LRRC8B: variants seen among roughly 807,000 people sequenced by gnomAD.
LRRC8B encodes the protein volume-regulated anion channel subunit LRRC8B.
LRRC8B carries 23 observed loss-of-function variants against 58.8 expected under a neutral mutation model. That is an observed-to-expected ratio of 0.39 (90% confidence interval 0.28 to 0.55). The LOEUF is 0.55. Ranked by LOEUF, LRRC8B falls within the 20% of genes least tolerant of loss-of-function variation. LRRC8B has a pLI of 0.62. For synonymous variants in LRRC8B, 359 were observed against 374.1 expected (o/e 0.96, Z 0.47); for missense variants, 694 against 936.0 (o/e 0.74, Z 3.37).
chr1:89,581,934 A>G (rs1341622092), intron 4 of LRRC8B, among the ~76,000 whole-genome samples: 6 of 152,372 alleles, frequency 3.9e-5, no homozygotes, highest in Middle Eastern at 3.4e-3. Flanking sequence ...ATAGAATTGT[A>G]GACCCCACTA....
Position 89,595,873 on chromosome 1 carries a change from C to CT in LRRC8B, c.*2833dup, listed in dbSNP as rs1434808677. 2 of 152,056 alleles carry CT rather than the reference C, an allele frequency of 1.3e-5. No individual in the cohort carries two copies. The highest frequency in any genetic ancestry group is 4.8e-5 in the African/African-American group (2 of 41,420). The allele number at this position is 152,056 out of a possible 1,614,324, so 9.4% of individuals were successfully genotyped here. On this transcript the variant is annotated 3_prime_UTR_variant, in exon 6 of 6. Transcript: ENST00000330947. ...AGTTTGTTAAATTATAATTATGAGA[C>CT]TTTCGTTGGCATTTGATTTCAAGAA...
intron 1 of LRRC8B, among the ~76,000 whole-genome samples, chr1:89,536,645 C>T (rs1280199708): frequency 6.6e-6 from 1 of 152,098 alleles, no homozygotes; most frequent in East Asian, 1.9e-4. Context: ...TAATGTCATG[C>T]AATAAAGTGC....
At chr1:89,538,061 A>G (rs1419485463) in intron 1 of LRRC8B, among the ~76,000 whole-genome samples, 2 of 152,208 alleles carry the variant, frequency 1.3e-5, no homozygotes, top group Non-Finnish European at 2.9e-5. Flanking sequence ...TGTGGCTGGT[A>G]GGGCTCCTTG....
rs1654359723 is a variant in LRRC8B at position 89,583,131 on chromosome 1, G to A, written c.481G>A (p.Asp161Asn). ...TGTGGCCATCCTTCACAAGTGCTTC[G>A]ATTCTCCATGGACCACCCGCGCCCT... Reference protein sequence around the residue: ...HFVAILHKCFDSPWTTRALSE... With the variant: ...HFVAILHKCFNSPWTTRALSE... Residue 161 changes from aspartate (D) to asparagine (N), a missense_variant, in exon 5 of 6, where the codon GAT becomes AAT. Asp to Asn is a conservative substitution (Grantham distance 23, BLOSUM62 1). This residue lies in a region of LRRC8B where 316 missense variants were observed against 403.8 expected (regional missense o/e 0.78). Coordinates refer to ENST00000330947, the MANE Select transcript of LRRC8B (RefSeq NM_001369817.2). This position sits in a 1 kb window ranked among gnomAD's most constrained non-coding sequence, Gnocchi z 5.2. 1.2e-6 allele frequency: 2 copies of A among 1,614,090 alleles called. No homozygotes were observed. The highest frequency in any genetic ancestry group is 1.7e-6 in the Non-Finnish European group (2 of 1,180,024).
At chr1:89,548,844 T>C (rs142066575) in intron 1 of LRRC8B, among the ~76,000 whole-genome samples, 6 of 152,298 alleles carry the variant, frequency 3.9e-5, no homozygotes, top group African/African-American at 7.2e-5. Context: ...TTTGTACCAA[T>C]ACCCTTCAGG....
At chr1:89,527,572 A>G (rs943445046) in intron 1 of LRRC8B, among the ~76,000 whole-genome samples, 9 of 152,188 alleles carry the variant, frequency 5.9e-5, no homozygotes, top group Non-Finnish European at 1.2e-4. Context: ...ACCATTTGTA[A>G]AATACCTTCT....
intron 1 of LRRC8B, among the ~76,000 whole-genome samples, chr1:89,542,002 T>A (rs1269233822): frequency 2.0e-5 from 3 of 152,196 alleles, no homozygotes; most frequent in Non-Finnish European, 4.4e-5. Context: ...CAGATTAAAA[T>A]TTTTTAATGT....
chr1:89,584,900 A>G (rs563592715), intron 5 of LRRC8B, 111 bp downstream of exon 5: 9 of 732,596 alleles, frequency 1.2e-5, no homozygotes, highest in Admixed American at 3.1e-5. Context: ...GCCAAGCCCA[A>G]TCCGATCTTG....
At chr1:89,584,897 C>T in intron 5 of LRRC8B, 108 bp downstream of exon 5, 1 of 749,922 alleles carries the variant, frequency 1.3e-6, no homozygotes. Context: ...CAAGCCAAGC[C>T]CAATCCGATC....
Position 89,596,110 on chromosome 1 carries a change from GT to G in LRRC8B, c.*3073del, listed in dbSNP as rs1655290159. ...TAGATTAAATTAAGTATGATAGCACGTTTTTTAATTCATTAATCATGAAGTG... is the reference window on the plus strand; with the variant it reads ...TAGATTAAATTAAGTATGATAGCACGTTTTTAATTCATTAATCATGAAGTG... On this transcript the variant is annotated 3_prime_UTR_variant, in exon 6 of 6. Coordinates refer to ENST00000330947, the MANE Select transcript of LRRC8B (RefSeq NM_001369817.2). 6.6e-6 allele frequency: 1 copy of G among 151,874 alleles called. No homozygotes were observed. The highest frequency in any genetic ancestry group is 6.6e-5 in the Admixed American group (1 of 15,240). 9.4% of individuals were successfully genotyped at this position (151,874 alleles called of 1,614,324 possible).
chr1:89,586,121 A>T (rs1654605079), intron 5 of LRRC8B, among the ~76,000 whole-genome samples: 1 of 152,182 alleles, frequency 6.6e-6, no homozygotes, highest in Non-Finnish European at 1.5e-5. Context: ...ATTGACCTAG[A>T]CTAACAGTGT....
At chr1:89,561,658 T>G (rs1652663748) in intron 1 of LRRC8B, among the ~76,000 whole-genome samples, 1 of 119,464 alleles carries the variant, frequency 8.4e-6, no homozygotes, top group African/African-American at 3.3e-5. Flanking sequence ...CTTTCCCCAT[T>G]GCTTGTTTTT....
chr1:89,578,846 A>G (rs888374306), intron 3 of LRRC8B, among the ~76,000 whole-genome samples: 3 of 152,196 alleles, frequency 2.0e-5, no homozygotes, highest in Non-Finnish European at 2.9e-5. Context: ...TTATCAATAT[A>G]TATGTAATTT....
At chr1:89,551,783 T>C (rs115204675) in intron 1 of LRRC8B, among the ~76,000 whole-genome samples, 2,615 of 152,274 alleles carry the variant, frequency 0.017, 83 homozygotes, top group African/African-American at 0.059. Context: ...ACAGACAAGC[T>C]CTGAATGAGA....
At position 89,597,471 on chromosome 1, in the gene LRRC8B, C is replaced by CAT. The variant is rs1385883418; in HGVS notation, c.*4435_*4436dup. ...TAGAGTTAGAATGGATGTGTTCGTG[C>CAT]ATATATATGTTGTATTTAAATATTA... On this transcript the variant is annotated 3_prime_UTR_variant, in exon 6 of 6. Transcript: ENST00000330947. 6.6e-6 allele frequency: 1 copy of CAT among 152,138 alleles called. No individual in the cohort carries two copies. Among genetic ancestry groups the CAT allele is most frequent in the South Asian group, 2.1e-4 (1 of 4,812 alleles). The allele number at this position is 152,138 out of a possible 1,614,324, so 9.4% of individuals were successfully genotyped here. A position where few individuals can be genotyped will look rare whatever the true frequency, so the allele number is the denominator to read the frequency against.
chr1:89,569,367 A>G (rs1653271101), intron 3 of LRRC8B, among the ~76,000 whole-genome samples: 1 of 152,118 alleles, frequency 6.6e-6, no homozygotes, highest in Non-Finnish European at 1.5e-5. Context: ...TTATAAGGGT[A>G]TATTGCATGA....
intron 5 of LRRC8B, 87 bp from the exon 6 acceptor site, chr1:89,592,684 T>G (rs932465958): frequency 3.0e-5 from 20 of 676,160 alleles, no homozygotes; most frequent in Admixed American, 8.8e-5. Flanking sequence ...AAATGTTTTG[T>G]TTTTTTTTTT....
At chr1:89,559,427 T>A (rs1394418928) in intron 1 of LRRC8B, among the ~76,000 whole-genome samples, 1 of 151,914 alleles carries the variant, frequency 6.6e-6, no homozygotes, top group Non-Finnish European at 1.5e-5. Context: ...GGACAATTGC[T>A]TGTGTCCAGG....
intron 1 of LRRC8B, among the ~76,000 whole-genome samples, chr1:89,549,457 G>T (rs560810671): frequency 6.6e-6 from 1 of 152,268 alleles, no homozygotes; most frequent in Non-Finnish European, 1.5e-5. Flanking sequence ...TGAAAAATAT[G>T]CCCTTATGTT....
Sources: gnomAD v4.1 joint callset for allele counts (sites outside exome capture counted in the v4.1 genomes callset) on GRCh38, gnomAD v4.1.1 for gene constraint, gnomAD v4.1.1 regional missense constraint, Gnocchi (gnomAD v3.1) non-coding constraint, MANE v1.5 for transcripts, NCBI Gene and HGNC (gene_info 2026-07-23, HGNC 2026-07-21) for gene names.